Variants in SLC34A2 observed in about 807,000 individuals in gnomAD.
SLC34A2 encodes the protein sodium-dependent phosphate transport protein 2B.
SLC34A2 carries 41 observed loss-of-function variants against 50.8 expected under a neutral mutation model. The observed-to-expected ratio is 0.81, with a 90% confidence interval of 0.63 to 1.05. The LOEUF is 1.05. Among genes scored for constraint, SLC34A2 ranks in the 50% least tolerant of loss-of-function variants. SLC34A2 has a pLI of 0.00. For missense variants in SLC34A2, 879 were observed against 876.7 expected (o/e 1.00, Z -0.03); for synonymous variants, 401 against 364.2 (o/e 1.10, Z -1.15).
intron 5 of SLC34A2, chr4:25,667,238 C>T (rs6838829): frequency 7.8e-5 from 12 of 153,352 alleles, no homozygotes; most frequent in Non-Finnish European, 2.9e-5. Context: ...CTGGCTGGGC[C>T]TAGTGGCTCA....
At position 25,676,881 on chromosome 4, in the gene SLC34A2, C is replaced by T; in HGVS notation, c.*132C>T. Reference sequence around the variant, plus strand: ...ATTAGCGAATGAAATTGATGCAGTCCTACCTAACTCGATTCCCTTTGGCTT... The same window carrying T: ...ATTAGCGAATGAAATTGATGCAGTCTTACCTAACTCGATTCCCTTTGGCTT... On this transcript the variant is annotated 3_prime_UTR_variant, in exon 13 of 13. Coordinates refer to ENST00000382051, the MANE Select transcript of SLC34A2 (RefSeq NM_006424.3). The T allele has an allele frequency of 7.8e-7, 1 of 1,281,718 alleles. No homozygotes were observed. Among genetic ancestry groups the T allele is most frequent in the East Asian group, 2.6e-5 (1 of 38,958 alleles). The allele number at this position is 1,281,718 out of a possible 1,614,324, so 79.4% of individuals were successfully genotyped here. A position where few individuals can be genotyped will look rare whatever the true frequency, so the allele number is the denominator to read the frequency against.
At chr4:25,661,847 A>G (rs1177544671) in intron 1 of SLC34A2, among the ~76,000 whole-genome samples, 1 of 151,482 alleles carries the variant, frequency 6.6e-6, no homozygotes, top group Non-Finnish European at 1.5e-5. Context: ...GACAACAAAG[A>G]TGAATGGGCT....
At chr4:25,676,059 A>C (rs1577505262) in intron 12 of SLC34A2, 76 bp from the exon 13 acceptor site, 11 of 1,515,842 alleles carry the variant, frequency 7.3e-6, no homozygotes, top group East Asian at 2.3e-5. Context: ...CTGCTAGCTT[A>C]CCTCCCCCTC....
At chr4:25,667,807 C>A in intron 5 of SLC34A2, 73 bp from the exon 6 acceptor site, 1 of 946,368 alleles carries the variant, frequency 1.1e-6, no homozygotes, top group Non-Finnish European at 1.7e-6. Context: ...TTAGAGGATA[C>A]CAGCATAGGT....
In SLC34A2 at chr4:25,664,278, C is replaced by CT; in HGVS notation, c.332dup (p.Val112ArgfsTer8). On this transcript the variant is annotated frameshift_variant, in exon 4 of 13. Transcript: ENST00000382051. LOFTEE classifies it high-confidence loss of function. The stretch of plus-strand genomic sequence containing the variant: ...TGATTTTACTTCTCGGATTTCTCTA[C>CT]TTTTTCGTGTGCTCCCTGGATATTC... The CT allele has an allele frequency of 6.2e-7, 1 of 1,609,928 alleles. No homozygotes were observed. Among genetic ancestry groups the CT allele is most frequent in the Non-Finnish European group, 8.5e-7 (1 of 1,177,642 alleles).
At chr4:25,657,629 G>A (rs1287552959) in intron 1 of SLC34A2, among the ~76,000 whole-genome samples, 1 of 152,104 alleles carries the variant, frequency 6.6e-6, no homozygotes. Context: ...TGGTGATATG[G>A]CCCAAGTTTA....
intron 4 of SLC34A2, chr4:25,664,787 A>G: frequency 3.9e-6 from 1 of 259,348 alleles, no homozygotes; most frequent in East Asian, 5.4e-5. Flanking sequence ...CACAGCCCTT[A>G]GGGCTGCGTG....
intron 4 of SLC34A2, 74 bp from the exon 5 acceptor site, chr4:25,666,054 T>G: frequency 6.3e-7 from 1 of 1,587,570 alleles, no homozygotes; most frequent in Admixed American, 1.7e-5. Flanking sequence ...TGGAGACTTC[T>G]GTTTACTCAG....
intron 1 of SLC34A2, among the ~76,000 whole-genome samples, chr4:25,660,623 G>A (rs955317652): frequency 6.6e-6 from 1 of 152,132 alleles, no homozygotes; most frequent in African/African-American, 2.4e-5. Flanking sequence ...TCAGCTCACT[G>A]CAACCTCCAC....
At position 25,669,789 on chromosome 4, in the gene SLC34A2, G is replaced by A. The variant is rs757080528; in HGVS notation, c.778G>A (p.Ala260Thr). ...ESFHFKNGED[A>T]PDLLKVITKP... ...CTTCCACTTCAAGAATGGAGAAGAT[G>A]CCCCAGATCTTCTGAAAGTCATCAC... The change falls in exon 7 of 13, where the codon GCC becomes ACC. Residue 260 changes from alanine (A) to threonine (T), a missense_variant. Physicochemically the swap from Ala to Thr is moderately conservative, Grantham distance 58 (BLOSUM62 0). Coordinates refer to ENST00000382051, the MANE Select transcript of SLC34A2 (RefSeq NM_006424.3). 3.7e-6 allele frequency: 6 copies of A among 1,614,020 alleles called. No homozygotes were observed. The highest frequency in any genetic ancestry group is 5.1e-6 in the Non-Finnish European group (6 of 1,180,026).
chr4:25,664,475 C>G, intron 4 of SLC34A2, 145 bp downstream of exon 4: 1 of 870,662 alleles, frequency 1.1e-6, no homozygotes, highest in Non-Finnish European at 1.8e-6. Context: ...TTTATGAAGT[C>G]TATGCTTTCC....
intron 1 of SLC34A2, among the ~76,000 whole-genome samples, chr4:25,660,734 G>T: frequency 6.6e-6 from 1 of 152,052 alleles, no homozygotes; most frequent in East Asian, 1.9e-4. Context: ...TAGTAGAGAC[G>T]GGGTTTCACC....
In SLC34A2 at chr4:25,667,910, T is replaced by C; in HGVS notation, c.554T>C (p.Ile185Thr). ...LLTVRAAIPI[I>T]MGANIGTSIT... ...ACTGTTCGGGCTGCCATCCCCATTA[T>C]CATGGGGGCCAACATTGGAACGTCA... The change falls in exon 6 of 13, where the codon ATC becomes ACC. Residue 185 changes from isoleucine to threonine, a missense_variant. Ile to Thr is a moderately conservative substitution (Grantham distance 89, BLOSUM62 -1). Transcript: ENST00000382051. 6.2e-7 allele frequency: 1 copy of C among 1,613,964 alleles called. No individual in the cohort carries two copies. Among genetic ancestry groups the C allele is most frequent in the Non-Finnish European group, 8.5e-7 (1 of 1,179,812 alleles).
intron 1 of SLC34A2, among the ~76,000 whole-genome samples, chr4:25,661,250 CAG>C (rs1714167538): frequency 1.3e-5 from 2 of 152,138 alleles, no homozygotes; most frequent in Admixed American, 1.3e-4. Context: ...ACTTTATGCT[CAG>C]AGGCATAAAG....
chr4:25,674,422 A>G lies in SLC34A2; in HGVS notation c.1333+10A>G, dbSNP rs776891044. 4 of 1,614,000 alleles carry G rather than the reference A, an allele frequency of 2.5e-6. No homozygotes were observed. The South Asian group carries it at 4.4e-5, about 18-fold the overall frequency. ...TTGACCCCCCTGATTGGTGAGTTAC[A>G]CCCTGGCTTCTCCCTCTGGCCACCA... On this transcript the variant is annotated intron_variant, in intron 11 of 12. Transcript: ENST00000382051.
chr4:25,656,842 G>C (rs1050557041), intron 1 of SLC34A2, among the ~76,000 whole-genome samples: 1 of 152,104 alleles, frequency 6.6e-6, no homozygotes, highest in African/African-American at 2.4e-5. Flanking sequence ...GTGCCCCAGG[G>C]GGTTTCTGTG....
chr4:25,676,947 C>A lies in SLC34A2; in HGVS notation c.*198C>A. On this transcript the variant is annotated 3_prime_UTR_variant, in exon 13 of 13. Transcript: ENST00000382051. ...GGGCACTTTTATTCCAACCCCTGGT[C>A]ACTCAGTAATCTTTTACTCCAGGAA... 1.5e-6 allele frequency: 1 copy of A among 656,242 alleles called. No homozygotes were observed. The highest frequency in any genetic ancestry group is 2.7e-6 in the Non-Finnish European group (1 of 377,162). 40.7% of individuals were successfully genotyped at this position (656,242 alleles called of 1,614,324 possible). A position where few individuals can be genotyped will look rare whatever the true frequency, so the allele number is the denominator to read the frequency against.
chr4:25,668,545 GGCA>G (rs1169403335), intron 6 of SLC34A2, among the ~76,000 whole-genome samples: 1 of 152,068 alleles, frequency 6.6e-6, no homozygotes, highest in African/African-American at 2.4e-5. Flanking sequence ...TGGAGGCTGA[GGCA>G]GGAGAATCGC....
intron 5 of SLC34A2, among the ~76,000 whole-genome samples, 174 bp from the exon 6 acceptor site, chr4:25,667,706 G>A (rs1714573672): frequency 6.6e-6 from 1 of 152,098 alleles, no homozygotes; most frequent in African/African-American, 2.4e-5. Flanking sequence ...AAGCTAGAAA[G>A]GCACTTTCTT....
Sources: allele counts gnomAD v4.1 joint callset (sites outside exome capture counted in the v4.1 genomes callset), GRCh38; gene constraint gnomAD v4.1.1; transcripts MANE v1.5; gene names NCBI Gene and HGNC (gene_info 2026-07-23, HGNC 2026-07-21).